The following TOP3B variants were observed in gnomAD, a reference collection of about 807,000 sequenced individuals.
TOP3B encodes the protein DNA topoisomerase III beta.
Under a neutral mutation model 93.9 loss-of-function variants are expected in TOP3B, and 45 were observed. That is an observed-to-expected ratio of 0.48 (90% CI 0.38 to 0.61). TOP3B has a LOEUF of 0.61. Among genes scored for constraint, TOP3B ranks in the 20% least tolerant of loss-of-function variants. TOP3B has a pLI of 0.00. For missense variants in TOP3B, 750 were observed against 1,156.1 expected (o/e 0.65, Z 5.09); for synonymous variants, 357 against 472.6 (o/e 0.76, Z 3.17).
At position 21,970,812 on chromosome 22, in the gene TOP3B, T is replaced by A. The variant is rs1787566591; in HGVS notation, c.385-406A>T. 1 of 295,150 alleles carries A rather than the reference T, an allele frequency of 3.4e-6. No homozygotes were observed. Among genetic ancestry groups the A allele is most frequent in the South Asian group, 3.6e-5 (1 of 27,578 alleles). The allele number at this position is 295,150 out of a possible 1,614,324, so 18.3% of individuals were successfully genotyped here. On this transcript the variant is annotated intron_variant, in intron 5 of 17. Transcript: ENST00000357179. This position sits in a 1 kb window ranked among gnomAD's most constrained non-coding sequence, Gnocchi z 4.4. ...ATTCCCTGCCTTCTAGGAGGGAGGG[T>A]TTGGAGGGGTGGGTGGAAATTTTAA...
rs774264750 is a variant in TOP3B at position 21,970,385 on chromosome 22, C to G, written c.406G>C (p.Val136Leu). 15 of 1,613,864 alleles carry G rather than the reference C, an allele frequency of 9.3e-6. No individual in the cohort carries two copies. Among genetic ancestry groups the G allele is most frequent in the Non-Finnish European group, 1.3e-5 (15 of 1,179,908 alleles). ...CFEVLDAVLP[V>L]MNKAHGGEKT... Reference sequence around the variant, plus strand: ...TCGCCACCATGGGCCTTGTTCATGACGGGCAGAACAGCATCAAGAACCTGG... The same window carrying G: ...TCGCCACCATGGGCCTTGTTCATGAGGGGCAGAACAGCATCAAGAACCTGG... The change falls in exon 6 of 18, where the codon GTC (valine) becomes CTC (leucine). Residue 136 changes from valine to leucine, a missense_variant. This residue lies in a region of TOP3B where 737 missense variants were observed against 933.7 expected (regional missense o/e 0.79). Coordinates refer to ENST00000357179, the MANE Select transcript of TOP3B (RefSeq NM_001282112.2). The surrounding 1 kb of genome is among the most constrained non-coding windows in gnomAD (Gnocchi z 4.4).
Position 21,975,827 on chromosome 22 carries a change from C to T in TOP3B, c.-98-20G>A. On this transcript the variant is annotated intron_variant, in intron 1 of 17. Coordinates refer to ENST00000357179, the MANE Select transcript of TOP3B (RefSeq NM_001282112.2). ...TGACTCCTAAAGAGAAGAAAAGACA[C>T]TCAGGATAGCAATGCTGTCAATAGA... The T allele has an allele frequency of 7.5e-7, 1 of 1,340,882 alleles. No individual in the cohort carries two copies. Among genetic ancestry groups the T allele is most frequent in the Non-Finnish European group, 9.7e-7 (1 of 1,035,738 alleles). 83.1% of individuals were successfully genotyped at this position (1,340,882 alleles called of 1,614,324 possible).
At chr22:21,962,280 C>A (rs746634864) in intron 13 of TOP3B, 149 bp downstream of exon 13, 32 of 1,587,474 alleles carry the variant, frequency 2.0e-5, no homozygotes, top group Non-Finnish European at 2.7e-5. Context: ...GCCTGGCTGG[C>A]CACACACTGG....
intron 7 of TOP3B, chr22:21,968,083 A>G: frequency 3.3e-6 from 1 of 303,192 alleles, no homozygotes; most frequent in Non-Finnish European, 6.3e-6. Context: ...AGCAGCTCCA[A>G]GACAGTGTCT....
rs769454777 is a variant in TOP3B at position 21,982,729 on chromosome 22, C to G, written c.-99+1G>C. 1.1e-4 allele frequency: 17 copies of G among 152,264 alleles called. No homozygotes were observed. The highest frequency in any genetic ancestry group is 1.4e-4 in the African/African-American group (6 of 41,472). 9.4% of individuals were successfully genotyped at this position (152,264 alleles called of 1,614,324 possible). A position where few individuals can be genotyped will look rare whatever the true frequency, so the allele number is the denominator to read the frequency against. On this transcript the variant is annotated splice_donor_variant, in intron 1 of 17. Transcript: ENST00000357179. LOFTEE classifies it low-confidence loss of function (5UTR_SPLICE). ...CGAGGGTCCCGCAGCCCGCCGCTCA[C>G]CCACAGCCGCACCGCGGATCCAGCT...
intron 7 of TOP3B, chr22:21,968,349 C>T: frequency 2.2e-6 from 1 of 459,942 alleles, no homozygotes; most frequent in Non-Finnish European, 3.9e-6. Flanking sequence ...ACTGAAGCCA[C>T]TGATTCCTGT....
rs371671376 is a variant in TOP3B at position 21,964,351 on chromosome 22, C to T, written c.944-36G>A. 29 of 1,608,894 alleles carry T rather than the reference C, an allele frequency of 1.8e-5. No homozygotes were observed. In the African/African-American group the frequency reaches 2.5e-4, roughly 14 times the overall value. On this transcript the variant is annotated intron_variant, in intron 9 of 17. Coordinates refer to ENST00000357179, the MANE Select transcript of TOP3B (RefSeq NM_001282112.2). Reference sequence around the variant, plus strand: ...CAGGAGGTTCTCAGAGGGCCAGGTACGTGGGGATGGCCAGCTGCCTGCCCT... The same window carrying T: ...CAGGAGGTTCTCAGAGGGCCAGGTATGTGGGGATGGCCAGCTGCCTGCCCT...
chr22:21,960,531 G>A, intron 13 of TOP3B, 82 bp from the exon 14 acceptor site: 1 of 1,576,204 alleles, frequency 6.3e-7, no homozygotes, highest in South Asian at 1.1e-5. Flanking sequence ...CTGTCACGGG[G>A]CCCCTGGTGC....
rs1601838434 is a variant in TOP3B at position 21,968,097 on chromosome 22, T to C, written c.739-381A>G. 1.8e-5 allele frequency: 5 copies of C among 284,246 alleles called. No individual in the cohort carries two copies. In the East Asian group the frequency reaches 4.4e-4, roughly 25 times the overall value. 17.6% of individuals were successfully genotyped at this position (284,246 alleles called of 1,614,324 possible). A position where few individuals can be genotyped will look rare whatever the true frequency, so the allele number is the denominator to read the frequency against. On this transcript the variant is annotated intron_variant, in intron 7 of 17. Coordinates refer to ENST00000357179, the MANE Select transcript of TOP3B (RefSeq NM_001282112.2). ...CAGCAGCTCCAAGACAGTGTCTCAC[T>C]GTGTTGCTAGGCTGGAGTGCAGTGG... is the stretch of plus-strand genomic sequence containing the variant.
Position 21,975,634 on chromosome 22 carries a change from T to C in TOP3B, c.70+6A>G, listed in dbSNP as rs1362393290. 6.2e-7 allele frequency: 1 copy of C among 1,609,776 alleles called. No individual in the cohort carries two copies. Reference sequence around the variant, plus strand: ...TACAGACCAAAGCAGGGCTGGTCTCTCCTACCTCTAGAGAGGATTTTGGCA... The same window carrying C: ...TACAGACCAAAGCAGGGCTGGTCTCCCCTACCTCTAGAGAGGATTTTGGCA... On this transcript the variant is annotated splice_donor_region_variant and intron_variant, in intron 2 of 17. Coordinates refer to ENST00000357179, the MANE Select transcript of TOP3B (RefSeq NM_001282112.2).
intron 3 of TOP3B, 82 bp downstream of exon 3, chr22:21,974,275 G>T: frequency 6.6e-7 from 1 of 1,523,684 alleles, no homozygotes; most frequent in South Asian, 1.3e-5. Flanking sequence ...TCCCTGCCTA[G>T]AGGCATCTCC....
Position 21,979,756 on chromosome 22 carries a change from G to A in TOP3B, c.-99+2974C>T, listed in dbSNP as rs746523179. On this transcript the variant is annotated intron_variant, in intron 1 of 17. Coordinates refer to ENST00000357179, the MANE Select transcript of TOP3B (RefSeq NM_001282112.2). Reference sequence around the variant, plus strand: ...GGAGATCAAGACCATCCTGACTAACGTGGTGAAACCCCGTCTCTACTAAAA... The same window carrying A: ...GGAGATCAAGACCATCCTGACTAACATGGTGAAACCCCGTCTCTACTAAAA... Among the ~76,000 whole-genome samples, 150 of 151,928 alleles carry A rather than the reference G, an allele frequency of 9.9e-4. 1 individual carries two copies. Among genetic ancestry groups the A allele is most frequent in the South Asian group, 8.3e-4 (4 of 4,812 alleles).
rs187576920 is a variant in TOP3B, at chr22:21,961,463, A to T, written c.1525+966T>A. On this transcript the variant is annotated intron_variant, in intron 13 of 17. Coordinates refer to ENST00000357179, the MANE Select transcript of TOP3B (RefSeq NM_001282112.2). ...TTGGGTCTGGCTCACTGGCTAGCAT[A>T]GGGCTGCCAGGAGCCAGTGTCCCAT... is the stretch of plus-strand genomic sequence containing the variant. The T allele has an allele frequency of 4.3e-3, 660 of 152,410 alleles. 6 individuals carry two copies. Among genetic ancestry groups the T allele is most frequent in the Non-Finnish European group, 7.4e-3 (501 of 68,092 alleles). The allele number at this position is 152,410 out of a possible 1,614,324, so 9.4% of individuals were successfully genotyped here.
At chr22:21,960,693 T>C (rs994096734) in intron 13 of TOP3B, 6 of 527,642 alleles carry the variant, frequency 1.1e-5, no homozygotes, top group African/African-American at 7.7e-5. Context: ...TCCTGCTTTA[T>C]GGCAGAGACA....
At chr22:21,972,531 C>T in intron 4 of TOP3B, 81 bp downstream of exon 4, 1 of 1,134,418 alleles carries the variant, frequency 8.8e-7, no homozygotes, top group South Asian at 1.5e-5. Flanking sequence ...GATTAGGACT[C>T]AAGCAAGGGT....
chr22:21,960,683 T>C, intron 13 of TOP3B: 2 of 549,208 alleles, frequency 3.6e-6, no homozygotes, highest in Non-Finnish European at 6.5e-6. Context: ...GGGCGCCTAC[T>C]CCTGCTTTAT....
chr22:21,964,969 C>G (rs2071357189), intron 9 of TOP3B: 2 of 229,616 alleles, frequency 8.7e-6, no homozygotes, highest in Admixed American at 1.1e-4. Flanking sequence ...GCCCAACCCC[C>G]TCCTCGTTAC....
rs762474 is a variant in TOP3B, at chr22:21,975,735, T to G, written c.-26A>C. ...TTTGTCTCGGTCCTTCACACTCCAG[T>G]TTCGGGGCACTGGCAATGAAAAAGT... On this transcript the variant is annotated 5_prime_UTR_variant, in exon 2 of 18. Coordinates refer to ENST00000357179, the MANE Select transcript of TOP3B (RefSeq NM_001282112.2). 175,850 of 1,592,300 alleles carry G rather than the reference T, an allele frequency of 0.11. 10,269 individuals are homozygous for G. Among genetic ancestry groups the G allele is most frequent in the Non-Finnish European group, 0.12 (137,719 of 1,164,654 alleles).
chr22:21,972,410 G>C, intron 4 of TOP3B: 3 of 544,986 alleles, frequency 5.5e-6, no homozygotes, highest in Non-Finnish European at 9.6e-6. Context: ...CTCCAGGACT[G>C]AGGGTTGGCA....
Sources: allele counts gnomAD v4.1 joint callset (sites outside exome capture counted in the v4.1 genomes callset), GRCh38; gene constraint gnomAD v4.1.1; regional missense constraint gnomAD v4.1.1; non-coding constraint Gnocchi (gnomAD v3.1); transcripts MANE v1.5; gene names NCBI Gene and HGNC (gene_info 2026-07-23, HGNC 2026-07-21).